RBMS1: variants seen among roughly 807,000 people sequenced by gnomAD.
RBMS1 encodes the protein RNA binding motif single stranded interacting protein 1.
A neutral mutation model predicts 62.3 loss-of-function variants in RBMS1; 17 were observed. The observed-to-expected ratio is 0.27, with a 90% CI of 0.19 to 0.41. The LOEUF (loss-of-function observed/expected upper bound fraction) is 0.41, where lower values mean the gene tolerates loss of function less well. Among genes scored for constraint, RBMS1 ranks in the 10% least tolerant of loss-of-function variants. The probability of loss-of-function intolerance (pLI) is 1.00; values close to 1 mark genes in which losing one functional copy is unlikely to be tolerated. For missense variants in RBMS1, 334 were observed against 504.5 expected, an observed-to-expected ratio of 0.66 and a Z score of 3.24; for synonymous variants, 172 against 170.0, an observed-to-expected ratio of 1.01 and a Z score of -0.09.
Position 160,303,317 on chromosome 2 carries a change from G to A in RBMS1, c.560+13C>T, listed in dbSNP as rs1371604886. The A allele has an allele frequency of 1.9e-6, 3 of 1,587,904 alleles. No homozygotes were observed. The highest frequency in any genetic ancestry group is 3.6e-5 in the Admixed American group (2 of 55,344). Reference sequence around the variant, plus strand: ...TTGTTGTTGACATAATAAAGACTGGGCAGAAGGCTTACCTAGCAAAGCCAA... The same window carrying A: ...TTGTTGTTGACATAATAAAGACTGGACAGAAGGCTTACCTAGCAAAGCCAA... On this transcript the variant is annotated intron_variant, in intron 5 of 13. Transcript: ENST00000348849.
Position 160,281,332 on chromosome 2 carries a change from T to C in RBMS1, c.933A>G (p.Pro311=), listed in dbSNP as rs960192358. The C allele has an allele frequency of 1.9e-6, 3 of 1,609,106 alleles. No homozygotes were observed. The highest frequency in any genetic ancestry group is 1.3e-5 in the African/African-American group (1 of 74,760). Residue 311 remains proline, a synonymous_variant, in exon 10 of 14, where the codon CCA becomes CCG. Transcript: ENST00000348849. Reference sequence around the variant, plus strand: ...AACTTACAGGGTGCTGTAGAATATATGGTTGAGGTTGCATCCACGAAGGAC... The same window carrying C: ...AACTTACAGGGTGCTGTAGAATATACGGTTGAGGTTGCATCCACGAAGGAC... ...VQSPSWMQPQ[P]YILQHPGAVL...
intron 2 of RBMS1, among the ~76,000 whole-genome samples, chr2:160,339,599 A>T (rs1171821375): frequency 1.3e-5 from 2 of 152,180 alleles, no homozygotes; most frequent in Non-Finnish European, 2.9e-5. Context: ...TCTTTTAAAA[A>T]GGTTCTTATT....
At chr2:160,476,887 T>C (rs941203713) in intron 1 of RBMS1, among the ~76,000 whole-genome samples, 1 of 152,318 alleles carries the variant, frequency 6.6e-6, no homozygotes, top group South Asian at 2.1e-4. Context: ...GGATCTTATG[T>C]TCTTGTAAAG....
chr2:160,430,096 A>G (rs1465666907), intron 1 of RBMS1, among the ~76,000 whole-genome samples: 2 of 152,244 alleles, frequency 1.3e-5, no homozygotes, highest in South Asian at 2.1e-4. Context: ...AGGCATGTCA[A>G]TGAGGCCATC....
intron 1 of RBMS1, among the ~76,000 whole-genome samples, chr2:160,454,522 A>G (rs1030936455): frequency 1.3e-5 from 2 of 152,220 alleles, no homozygotes; most frequent in Non-Finnish European, 2.9e-5. Flanking sequence ...GCAAAGTGAA[A>G]GTGGAGGAGG....
At chr2:160,431,213 A>G (rs1682882865) in intron 1 of RBMS1, among the ~76,000 whole-genome samples, 1 of 149,208 alleles carries the variant, frequency 6.7e-6, no homozygotes, top group African/African-American at 2.5e-5. Context: ...TATTCTGAAA[A>G]TCTGCTAGAA....
chr2:160,282,109 T>C, intron 9 of RBMS1: 1 of 647,610 alleles, frequency 1.5e-6, no homozygotes, highest in South Asian at 1.6e-5. Flanking sequence ...GCCCAGAGCT[T>C]TCCAGAGTCT....
chr2:160,363,964 A>C (rs929705039), intron 2 of RBMS1, among the ~76,000 whole-genome samples: 11 of 152,204 alleles, frequency 7.2e-5, no homozygotes, highest in Non-Finnish European at 1.6e-4. Flanking sequence ...TTTCAGTTGA[A>C]AGTCTGAAGG....
At chr2:160,342,572 C>T (rs1383439097) in intron 2 of RBMS1, among the ~76,000 whole-genome samples, 1 of 151,824 alleles carries the variant, frequency 6.6e-6, no homozygotes, top group Non-Finnish European at 1.5e-5. Flanking sequence ...TGTTAGATTG[C>T]CATTACCCCA....
intron 1 of RBMS1, among the ~76,000 whole-genome samples, chr2:160,442,471 G>A (rs192531914): frequency 2.6e-4 from 39 of 152,226 alleles, no homozygotes; most frequent in African/African-American, 7.9e-4. Context: ...ACATGCCCAC[G>A]CCATGCTGAT....
At chr2:160,438,097 T>C (rs1042661168) in intron 1 of RBMS1, among the ~76,000 whole-genome samples, 1 of 152,170 alleles carries the variant, frequency 6.6e-6, no homozygotes, top group African/African-American at 2.4e-5. Flanking sequence ...GTTGATACCC[T>C]CTCTAACTTC....
At chr2:160,455,071 C>A (rs1035159195) in intron 1 of RBMS1, among the ~76,000 whole-genome samples, 1 of 152,172 alleles carries the variant, frequency 6.6e-6, no homozygotes, top group Non-Finnish European at 1.5e-5. Context: ...ATCCTGGTTC[C>A]TAGAATGCCA....
chr2:160,412,666 C>T (rs889178100), intron 1 of RBMS1, among the ~76,000 whole-genome samples: 3 of 152,280 alleles, frequency 2.0e-5, no homozygotes, highest in East Asian at 1.9e-4. Context: ...TCTAGACAAT[C>T]GTGTGCTATG....
chr2:160,441,585 T>C (rs1257252046), intron 1 of RBMS1, among the ~76,000 whole-genome samples: 1 of 152,118 alleles, frequency 6.6e-6, no homozygotes, highest in Non-Finnish European at 1.5e-5. Flanking sequence ...ATTATCTGGG[T>C]ATAGTGGCAT....
intron 4 of RBMS1, 110 bp from the exon 5 acceptor site, chr2:160,303,597 C>T (rs1689330783): frequency 8.9e-7 from 1 of 1,123,338 alleles, no homozygotes; most frequent in Non-Finnish European, 1.3e-6. Flanking sequence ...TTTTAAAGTA[C>T]TCAGAACCTC....
intron 6 of RBMS1, among the ~76,000 whole-genome samples, chr2:160,299,458 A>C (rs943546524): frequency 1.3e-5 from 2 of 152,192 alleles, no homozygotes; most frequent in Non-Finnish European, 2.9e-5. Context: ...GTCACCAATT[A>C]GTCTTGCTAG....
At chr2:160,439,678 C>T (rs1456755676) in intron 1 of RBMS1, among the ~76,000 whole-genome samples, 3 of 152,192 alleles carry the variant, frequency 2.0e-5, no homozygotes, top group South Asian at 2.1e-4. Context: ...GCTGCAATCT[C>T]GGCACTTTGG....
In RBMS1 at chr2:160,303,562, T is replaced by G. The variant is rs1411103236; in HGVS notation, c.403-75A>C. 2.7e-6 allele frequency: 4 copies of G among 1,456,620 alleles called. No homozygotes were observed. In the East Asian group the frequency reaches 9.3e-5, roughly 34 times the overall value. The allele number at this position is 1,456,620 out of a possible 1,614,324, so 90.2% of individuals were successfully genotyped here. ...ATTTATGTTAACACACCTATTTTTA[T>G]TAGCTACTTTCTTTGCTCAAGTCCT... is the stretch of plus-strand genomic sequence containing the variant. On this transcript the variant is annotated intron_variant, in intron 4 of 13. Transcript: ENST00000348849.
At chr2:160,316,102 A>G (rs1189441694) in intron 3 of RBMS1, among the ~76,000 whole-genome samples, 2 of 152,174 alleles carry the variant, frequency 1.3e-5, no homozygotes, top group Non-Finnish European at 2.9e-5. Context: ...TCATTTATCA[A>G]TCAGTCATCT....
Sources: allele counts gnomAD v4.1 joint callset (sites outside exome capture counted in the v4.1 genomes callset), GRCh38; gene constraint gnomAD v4.1.1; transcripts MANE v1.5; gene names NCBI Gene and HGNC (gene_info 2026-07-23, HGNC 2026-07-21).